GLG1: variants seen among roughly 807,000 people sequenced by gnomAD.
GLG1 encodes Golgi apparatus protein 1.
In GLG1, 38 loss-of-function variants were observed where a neutral mutation model predicts 160.5. The ratio of observed to expected loss-of-function variants is 0.24; its 90% CI spans 0.18 to 0.31. The LOEUF (loss-of-function observed/expected upper bound fraction) is 0.31, where lower values mean the gene tolerates loss of function less well. Ranked by LOEUF, GLG1 falls within the 10% of genes least tolerant of loss-of-function variation. The probability of loss-of-function intolerance (pLI) is 1.00; values close to 1 mark genes in which losing one functional copy is unlikely to be tolerated. For synonymous variants in GLG1, 644 were observed against 543.4 expected, an observed-to-expected ratio of 1.19 and a Z score of -2.57; for missense variants, 1,373 against 1,505.2, an observed-to-expected ratio of 0.91 and a Z score of 1.45.
chr16:74,600,731 C>CAAAAAAAA (rs56122377), intron 1 of GLG1, among the ~76,000 whole-genome samples: 4 of 112,602 alleles, frequency 3.6e-5, no homozygotes, highest in East Asian at 2.6e-4. Context: ...GATTCCACCT[C>CAAAAAAAA]AAAAAAAAAA....
chr16:74,483,116 G>A lies in GLG1; in HGVS notation c.1580C>T (p.Ser527Leu), dbSNP rs1346064166. ...HIRSGDPMIL[S>L]CLMEHLYTEK... The stretch of plus-strand genomic sequence containing the variant: ...TGTGTATAAATGTTCCATCAGGCAC[G>A]ACAAGATCCTAGCCATTAAATGTGT... Residue 527 changes from serine (S) to leucine (L), a missense_variant, in exon 10 of 26, where the codon TCG becomes TTG. Physicochemically the swap from Ser to Leu is moderately radical, Grantham distance 145. Transcript: ENST00000422840. The A allele has an allele frequency of 6.3e-6, 10 of 1,587,372 alleles. No individual in the cohort carries two copies. Among genetic ancestry groups the A allele is most frequent in the Middle Eastern group, 1.7e-4 (1 of 5,996 alleles).
intron 2 of GLG1, among the ~76,000 whole-genome samples, chr16:74,516,632 C>T (rs2016986596): frequency 6.6e-6 from 1 of 152,114 alleles, no homozygotes; most frequent in South Asian, 2.1e-4. Flanking sequence ...ACCCTAACAT[C>T]ATAATTAAAA....
At chr16:74,569,841 G>A (rs1350716744) in intron 1 of GLG1, among the ~76,000 whole-genome samples, 4 of 136,542 alleles carry the variant, frequency 2.9e-5, no homozygotes, top group Admixed American at 1.6e-4. Context: ...TAGCCTGGGC[G>A]ACAGATTGAA....
chr16:74,469,953 A>G (rs1405834019), intron 16 of GLG1, 32 bp downstream of exon 16: 3 of 1,332,816 alleles, frequency 2.3e-6, no homozygotes, highest in South Asian at 2.3e-5. Flanking sequence ...GAACTTCGGG[A>G]AAGTGGAATG....
chr16:74,451,207 T>C lies in GLG1; in HGVS notation c.*1960A>G, dbSNP rs2014285881. The stretch of plus-strand genomic sequence containing the variant: ...GCTGGCAGTGGCGGGAGGCAGTGTG[T>C]GCTGCTCGCACCCTGCGTTTCCAGT... On this transcript the variant is annotated 3_prime_UTR_variant, in exon 26 of 26. Coordinates refer to ENST00000422840, the MANE Select transcript of GLG1 (RefSeq NM_001145667.2). The C allele has an allele frequency of 6.6e-6, 1 of 152,324 alleles. No homozygotes were observed. Among genetic ancestry groups the C allele is most frequent in the African/African-American group, 2.4e-5 (1 of 41,454 alleles). 9.4% of individuals were successfully genotyped at this position (152,324 alleles called of 1,614,324 possible). A position where few individuals can be genotyped will look rare whatever the true frequency, so the allele number is the denominator to read the frequency against.
intron 1 of GLG1, among the ~76,000 whole-genome samples, chr16:74,579,191 A>AAC (rs1957879862): frequency 6.6e-6 from 1 of 151,976 alleles, no homozygotes; most frequent in Non-Finnish European, 1.5e-5. Flanking sequence ...TTAAAAATAC[A>AAC]AACAACAACA....
chr16:74,556,176 A>T (rs1217686386), intron 1 of GLG1, among the ~76,000 whole-genome samples: 6 of 152,224 alleles, frequency 3.9e-5, no homozygotes. Context: ...AGTTAATTAC[A>T]AATTCCTAAA....
Position 74,503,721 on chromosome 16 carries a change from A to G in GLG1, c.584T>C (p.Val195Ala), listed in dbSNP as rs1597278290. The G allele has an allele frequency of 6.2e-7, 1 of 1,612,512 alleles. No homozygotes were observed. Among genetic ancestry groups the G allele is most frequent in the Non-Finnish European group, 8.5e-7 (1 of 1,178,536 alleles). The change falls in exon 4 of 26, where the codon GTT becomes GCT. Residue 195 changes from valine (V) to alanine (A), a missense_variant. By Grantham distance (64) the Val-to-Ala change is moderately conservative. Transcript: ENST00000422840. ...GCAGGAAACCATGTAACCTTTTCCAACCGGTTCATCAGCACATTCTTTAAT... is the reference window on the plus strand; with the variant it reads ...GCAGGAAACCATGTAACCTTTTCCAGCCGGTTCATCAGCACATTCTTTAAT... The part of the protein sequence containing the change: ...TEIKECADEP[V>A]GKGYMVSCLV...
Position 74,453,113 on chromosome 16 carries a change from G to A in GLG1, c.*54C>T. On this transcript the variant is annotated 3_prime_UTR_variant, in exon 26 of 26. Transcript: ENST00000422840. ...AGGTGAGTGGGGATGCTATACAAGA[G>A]GGCTGTACAAACTGGGCACTGGATA... 8 of 1,593,408 alleles carry A rather than the reference G, an allele frequency of 5.0e-6. No homozygotes were observed. Among genetic ancestry groups the A allele is most frequent in the Non-Finnish European group, 6.8e-6 (8 of 1,169,758 alleles).
intron 2 of GLG1, among the ~76,000 whole-genome samples, chr16:74,511,300 T>C (rs956077159): frequency 2.0e-5 from 3 of 152,102 alleles, no homozygotes; most frequent in Non-Finnish European, 4.4e-5. Flanking sequence ...TTTCTTCTCC[T>C]CCCTCCTCAA....
chr16:74,547,513 T>G (rs1251289593), intron 1 of GLG1, among the ~76,000 whole-genome samples: 2 of 152,234 alleles, frequency 1.3e-5, no homozygotes, highest in Non-Finnish European at 2.9e-5. Context: ...TCTTTTGGAA[T>G]AGTGAGGAAA....
chr16:74,478,621 A>G (rs1038975123), intron 11 of GLG1, among the ~76,000 whole-genome samples: 3 of 152,148 alleles, frequency 2.0e-5, no homozygotes, highest in Non-Finnish European at 4.4e-5. Context: ...TTCTCTTTAA[A>G]ATGGTTAAGA....
chr16:74,554,378 A>G (rs1430123476), intron 1 of GLG1, among the ~76,000 whole-genome samples: 4 of 152,206 alleles, frequency 2.6e-5, no homozygotes, highest in South Asian at 2.1e-4. Flanking sequence ...TACTAAAAAT[A>G]CAAAAATTAG....
chr16:74,571,095 T>C (rs2018814078), intron 1 of GLG1, among the ~76,000 whole-genome samples: 1 of 152,072 alleles, frequency 6.6e-6, no homozygotes, highest in African/African-American at 2.4e-5. Flanking sequence ...CTGGAGCTTG[T>C]CCTTTCCGTA....
intron 1 of GLG1, among the ~76,000 whole-genome samples, chr16:74,567,272 T>C (rs1030638713): frequency 6.6e-6 from 1 of 151,952 alleles, no homozygotes; most frequent in African/African-American, 2.4e-5. Context: ...GTTTTGTTGG[T>C]AGGAGGAACA....
intron 2 of GLG1, among the ~76,000 whole-genome samples, chr16:74,518,573 G>A (rs912429730): frequency 3.9e-5 from 6 of 152,216 alleles, no homozygotes; most frequent in South Asian, 2.1e-4. Flanking sequence ...AGGCTTAAAC[G>A]TAAGACCTAG....
intron 2 of GLG1, among the ~76,000 whole-genome samples, chr16:74,518,862 T>C (rs914502077): frequency 1.3e-5 from 2 of 152,110 alleles, no homozygotes; most frequent in South Asian, 2.1e-4. Context: ...TGTGGAAAAA[T>C]AGCAATGCTT....
chr16:74,450,967 G>C lies in GLG1; in HGVS notation c.*2200C>G, dbSNP rs1307069205. ...AAGAACAGAAATATCAACACAATTA[G>C]AACTATAAGGGTGTTTACGCATACT... On this transcript the variant is annotated 3_prime_UTR_variant, in exon 26 of 26. Transcript: ENST00000422840. The C allele has an allele frequency of 1.3e-5, 2 of 152,060 alleles. No individual in the cohort carries two copies. The highest frequency in any genetic ancestry group is 2.1e-4 in the South Asian group (1 of 4,822). 9.4% of individuals were successfully genotyped at this position (152,060 alleles called of 1,614,324 possible). A position where few individuals can be genotyped will look rare whatever the true frequency, so the allele number is the denominator to read the frequency against.
At chr16:74,493,967 G>A (rs1011767866) in intron 6 of GLG1, among the ~76,000 whole-genome samples, 1 of 151,982 alleles carries the variant, frequency 6.6e-6, no homozygotes, top group African/African-American at 2.4e-5. Context: ...CTGAGGTCAG[G>A]AGTTTGAGAG....
Sources: allele counts gnomAD v4.1 joint callset (sites outside exome capture counted in the v4.1 genomes callset), GRCh38; gene constraint gnomAD v4.1.1; transcripts MANE v1.5; gene names NCBI Gene and HGNC (gene_info 2026-07-23, HGNC 2026-07-21).